Variants in FAM163A observed in about 807,000 individuals in gnomAD.
FAM163A encodes family with sequence similarity 163 member A.
A neutral mutation model predicts 12.0 loss-of-function variants in FAM163A; 7 were observed. The observed-to-expected ratio is 0.58, with a 90% confidence interval of 0.33 to 1.10. FAM163A has a LOEUF of 1.10. FAM163A is among the 50% of genes least tolerant of loss of function. The probability of loss-of-function intolerance (pLI) is 0.03; values close to 1 mark genes in which losing one functional copy is unlikely to be tolerated. For synonymous variants in FAM163A, 101 were observed against 91.0 expected (o/e 1.11, Z -0.62); for missense variants, 202 against 218.6 (o/e 0.92, Z 0.48).
intron 1 of FAM163A, among the ~76,000 whole-genome samples, chr1:179,744,250 C>G (rs945852421): frequency 4.1e-4 from 63 of 152,178 alleles, no homozygotes; most frequent in African/African-American, 1.5e-3. Context: ...AGCGGGCGAC[C>G]GCACTCCGAT....
At chr1:179,751,058 A>G (rs1685206350) in intron 1 of FAM163A, among the ~76,000 whole-genome samples, 1 of 152,120 alleles carries the variant, frequency 6.6e-6, no homozygotes, top group African/African-American at 2.4e-5. Flanking sequence ...TTTGGGGCAA[A>G]CATTGTGAGT....
At chr1:179,774,644 T>C (rs2148134993) in intron 1 of FAM163A, among the ~76,000 whole-genome samples, 1 of 152,204 alleles carries the variant, frequency 6.6e-6, no homozygotes. Flanking sequence ...CAGGTGAGAA[T>C]TCACTGAGCT....
chr1:179,742,687 C>T (rs1265303597), upstream of FAM163A: 1 of 152,250 alleles, frequency 6.6e-6, no homozygotes. Flanking sequence ...AAGGTGATTT[C>T]AGACAAGAAA....
chr1:179,753,179 G>A (rs1019786285), intron 1 of FAM163A, among the ~76,000 whole-genome samples: 2 of 152,124 alleles, frequency 1.3e-5, no homozygotes, highest in Admixed American at 1.3e-4. Flanking sequence ...GATGAACCTT[G>A]AAGACATTAT....
intron 1 of FAM163A, among the ~76,000 whole-genome samples, chr1:179,771,357 G>A (rs1215011572): frequency 6.6e-6 from 1 of 152,180 alleles, no homozygotes; most frequent in Non-Finnish European, 1.5e-5. Context: ...AGCTTTACCT[G>A]TCTGACCTCT....
chr1:179,812,290 C>T (rs1454755867), intron 3 of FAM163A, among the ~76,000 whole-genome samples, 159 bp downstream of exon 3: 2 of 152,200 alleles, frequency 1.3e-5, no homozygotes, highest in Admixed American at 6.5e-5. Context: ...ATGCCCAGAG[C>T]TTGCCTCTGT....
Position 179,814,035 on chromosome 1 carries a change from G to A in FAM163A, c.350G>A (p.Gly117Asp), listed in dbSNP as rs775308088. The A allele has an allele frequency of 6.2e-7, 1 of 1,613,574 alleles. No individual in the cohort carries two copies. Among genetic ancestry groups the A allele is most frequent in the Admixed American group, 1.7e-5 (1 of 59,984 alleles). ...IRTADMVPNG[G>D]GGERLSFAPT... is the part of the protein sequence containing the mutation. ...ACGGCTGACATGGTGCCCAATGGGG[G>A]TGGAGGCGAGAGGCTCTCCTTTGCT... The change falls in exon 5 of 5, where the codon GGT becomes GAT. Residue 117 changes from glycine to aspartate, a missense_variant. By Grantham distance (94) the Gly-to-Asp change is moderately conservative. Coordinates refer to ENST00000341785, the MANE Select transcript of FAM163A (RefSeq NM_173509.3).
chr1:179,792,766 C>A (rs1691704146), intron 1 of FAM163A, among the ~76,000 whole-genome samples: 1 of 152,086 alleles, frequency 6.6e-6, no homozygotes. Flanking sequence ...TTCATTCATT[C>A]ATTCTGTAAA....
chr1:179,760,646 G>A (rs922866118), intron 1 of FAM163A, among the ~76,000 whole-genome samples: 1 of 152,194 alleles, frequency 6.6e-6, no homozygotes, highest in Admixed American at 6.5e-5. Context: ...GGTGACAAGG[G>A]CCAGATCATG....
At chr1:179,786,499 C>T (rs1230208249) in intron 1 of FAM163A, among the ~76,000 whole-genome samples, 1 of 152,222 alleles carries the variant, frequency 6.6e-6, no homozygotes, top group South Asian at 2.1e-4. Context: ...TACTTCCCCA[C>T]CAAAGCCTCT....
At chr1:179,756,533 A>C (rs1340257187) in intron 1 of FAM163A, among the ~76,000 whole-genome samples, 1 of 152,176 alleles carries the variant, frequency 6.6e-6, no homozygotes, top group Non-Finnish European at 1.5e-5. Context: ...AGAGCAGGTA[A>C]ATGCAAAGAT....
chr1:179,732,880 C>CAAAAAAAAAAA, the FAM163A span, among the ~76,000 whole-genome samples: 1 of 39,132 alleles, frequency 2.6e-5, no homozygotes. Context: ...GACTCTGCCT[C>CAAAAAAAAAAA]AAAAAAAAAA....
upstream of FAM163A, chr1:179,741,972 A>T (rs1683709656): frequency 6.6e-6 from 1 of 152,226 alleles, no homozygotes; most frequent in African/African-American, 2.4e-5. Context: ...TTTATAACAA[A>T]ATCACACGTC....
intron 1 of FAM163A, among the ~76,000 whole-genome samples, chr1:179,794,736 C>T (rs184339933): frequency 1.6e-3 from 247 of 152,196 alleles, no homozygotes; most frequent in African/African-American, 5.0e-3. Context: ...GAAGCTGGGT[C>T]CCTGCATCAG....
In FAM163A at chr1:179,764,449, C is replaced by T. The variant is rs886523002; in HGVS notation, c.-136+21026C>T. Among the ~76,000 whole-genome samples, 7 of 152,302 alleles carry T rather than the reference C, an allele frequency of 4.6e-5. No homozygotes were observed. In the South Asian group the frequency reaches 1.0e-3, roughly 23 times the overall value. ...AATGGAAACAGGTTGTGCAACCTCTCATTCAGTGCTCCAGCAGCTCAAATT... is the reference window on the plus strand; with the variant it reads ...AATGGAAACAGGTTGTGCAACCTCTTATTCAGTGCTCCAGCAGCTCAAATT... On this transcript the variant is annotated intron_variant, in intron 1 of 4. Coordinates refer to ENST00000341785, the MANE Select transcript of FAM163A (RefSeq NM_173509.3).
At chr1:179,783,749 A>ATATAATTTAT (rs1690160550) in intron 1 of FAM163A, among the ~76,000 whole-genome samples, 9 of 144,990 alleles carry the variant, frequency 6.2e-5, no homozygotes, top group South Asian at 4.2e-4. Context: ...CCCAAATATT[A>ATATAATTTAT]TATATATATT....
chr1:179,803,516 A>C (rs1395197017), intron 1 of FAM163A, among the ~76,000 whole-genome samples: 1 of 152,188 alleles, frequency 6.6e-6, no homozygotes, highest in Non-Finnish European at 1.5e-5. Flanking sequence ...GGTGGCTTTT[A>C]GTGCCCAACT....
At chr1:179,727,838 A>G in the FAM163A span, among the ~76,000 whole-genome samples, 5 of 152,224 alleles carry the variant, frequency 3.3e-5, no homozygotes, top group Non-Finnish European at 5.9e-5. Context: ...GCTCCCAAGA[A>G]AAACACAGTG....
At chr1:179,774,239 G>A (rs914776010) in intron 1 of FAM163A, among the ~76,000 whole-genome samples, 8 of 152,278 alleles carry the variant, frequency 5.3e-5, no homozygotes, top group East Asian at 3.9e-4. Flanking sequence ...TGAGACTCTC[G>A]GTTGCCCTGA....
Sources: gnomAD v4.1 joint callset for allele counts (sites outside exome capture counted in the v4.1 genomes callset) on GRCh38, gnomAD v4.1.1 for gene constraint, MANE v1.5 for transcripts, NCBI Gene and HGNC (gene_info 2026-07-23, HGNC 2026-07-21) for gene names.